The following C1orf87 variants were observed in gnomAD, a reference collection of about 807,000 sequenced individuals.
The protein encoded by C1orf87 is chromosome 1 open reading frame 87.
Under a neutral mutation model 60.5 loss-of-function variants are expected in C1orf87, and 58 were observed. The ratio of observed to expected loss-of-function variants is 0.96; its 90% confidence interval spans 0.78 to 1.19. The LOEUF is 1.19. Among genes scored for constraint, C1orf87 ranks in the 50% most tolerant of loss-of-function variants. C1orf87 has a pLI of 0.00. For missense variants in C1orf87, 673 were observed against 638.6 expected, an observed-to-expected ratio of 1.05 and a Z score of -0.58; for synonymous variants, 236 against 227.4, an observed-to-expected ratio of 1.04 and a Z score of -0.34.
At chr1:60,009,802 C>T (rs746502420) in intron 9 of C1orf87, among the ~76,000 whole-genome samples, 19 of 151,896 alleles carry the variant, frequency 1.3e-4, no homozygotes, top group Non-Finnish European at 2.5e-4. Context: ...AAATATTTTC[C>T]CCAATGCATC....
intron 2 of C1orf87, among the ~76,000 whole-genome samples, chr1:60,056,999 AGT>A (rs1645461908): frequency 6.6e-6 from 1 of 152,204 alleles, no homozygotes; most frequent in Non-Finnish European, 1.5e-5. Flanking sequence ...ATATTTTTAT[AGT>A]CATCCTTTTG....
At position 60,055,398 on chromosome 1, in the gene C1orf87, G is replaced by T. The variant is rs1400082876; in HGVS notation, c.148C>A (p.His50Asn). 6.2e-7 allele frequency: 1 copy of T among 1,614,078 alleles called. No homozygotes were observed. Among genetic ancestry groups the T allele is most frequent in the Admixed American group, 1.7e-5 (1 of 60,016 alleles). The change falls in exon 3 of 12, where the codon CAC (histidine) becomes AAC (asparagine). Residue 50 changes from histidine to asparagine, a missense_variant. By Grantham distance (68) the His-to-Asn change is moderately conservative. Coordinates refer to ENST00000371201, the MANE Select transcript of C1orf87 (RefSeq NM_152377.3). ...DSLKTETQTMHQKPMTDNARQ... is the reference protein window; with the variant it reads ...DSLKTETQTMNQKPMTDNARQ... ...GCATTATCAGTCATTGGTTTCTGGT[G>T]CATTGTTTGGGTTTCTGTTTTCAAG...
At chr1:60,010,251 T>C (rs776933685) in intron 9 of C1orf87, 141 bp downstream of exon 9, 1 of 751,282 alleles carries the variant, frequency 1.3e-6, no homozygotes, top group Non-Finnish European at 2.3e-6. Flanking sequence ...CCCCCATTTT[T>C]CCTTCACTGG....
At chr1:60,022,368 G>C (rs1322230298) in intron 8 of C1orf87, among the ~76,000 whole-genome samples, 1 of 151,954 alleles carries the variant, frequency 6.6e-6, no homozygotes, top group Non-Finnish European at 1.5e-5. Flanking sequence ...CTGGATATGA[G>C]TTGATTTGCT....
At position 60,033,636 on chromosome 1, in the gene C1orf87, G is replaced by A. The variant is rs150611520; in HGVS notation, c.869C>T (p.Pro290Leu). ...TGGCTGTGAGCTGGAGTGCTGAGGT[G>A]GAGTGCTGATTGTAGGGGAAATGGG... ...ESHGTHSQST[P>L]PQHSSSQPEV... The change falls in exon 7 of 12, where the codon CCA becomes CTA. Residue 290 changes from proline (P) to leucine (L), a missense_variant. Physicochemically the swap from Pro to Leu is moderately conservative, Grantham distance 98 (BLOSUM62 -3). Transcript: ENST00000371201. 5.8e-5 allele frequency: 94 copies of A among 1,610,952 alleles called. 1 individual carries two copies. The African/African-American group carries it at 1.2e-3, about 20-fold the overall frequency.
At chr1:60,045,777 T>C (rs972063210) in intron 3 of C1orf87, among the ~76,000 whole-genome samples, 1 of 152,164 alleles carries the variant, frequency 6.6e-6, no homozygotes, top group Non-Finnish European at 1.5e-5. Context: ...AAATAGAAAT[T>C]TGTGGGATGG....
intron 6 of C1orf87, among the ~76,000 whole-genome samples, chr1:60,034,538 A>G (rs775895218): frequency 1.4e-4 from 22 of 152,306 alleles, no homozygotes; most frequent in Non-Finnish European, 2.2e-4. Flanking sequence ...TTTAACAATC[A>G]GCTTTGCAAG....
chr1:59,992,224 CTATT>C (rs71582609), intron 11 of C1orf87, among the ~76,000 whole-genome samples: 19,262 of 143,508 alleles, frequency 0.13, 1,464 homozygotes, highest in Admixed American at 0.19. Flanking sequence ...AAGTAGGGGT[CTATT>C]TATTTATTTA....
chr1:59,990,865 T>C (rs967874140), intron 11 of C1orf87, 32 bp from the exon 12 acceptor site: 3 of 1,606,224 alleles, frequency 1.9e-6, no homozygotes, highest in South Asian at 1.1e-5. Context: ...GGAAGGTTTT[T>C]TAAAGAGGAT....
In C1orf87 at chr1:60,055,077, T is replaced by G. The variant is rs1645442957; in HGVS notation, c.342+127A>C. The G allele has an allele frequency of 6.8e-6, 6 of 885,092 alleles. No individual in the cohort carries two copies. The East Asian group carries it at 1.5e-4, about 22-fold the overall frequency. The allele number at this position is 885,092 out of a possible 1,614,324, so 54.8% of individuals were successfully genotyped here. On this transcript the variant is annotated intron_variant, in intron 3 of 11. Transcript: ENST00000371201. The stretch of plus-strand genomic sequence containing the variant: ...TTTTCAGATTGAAAAAAATTGATTC[T>G]TACTTCTATCTCATGCAAAATATAT...
chr1:60,001,037 G>T, intron 10 of C1orf87, 40 bp downstream of exon 10: 1 of 1,542,256 alleles, frequency 6.5e-7, no homozygotes, highest in South Asian at 1.1e-5. Context: ...AAGTATCCAT[G>T]AAAACCTTCC....
In C1orf87 at chr1:60,020,153, A is replaced by C. The variant is rs956166597; in HGVS notation, c.1127+5248T>G. Among the ~76,000 whole-genome samples, 3 of 147,346 alleles carry C rather than the reference A, an allele frequency of 2.0e-5. 1 individual carries two copies. The South Asian group carries it at 6.3e-4, about 31-fold the overall frequency. The stretch of plus-strand genomic sequence containing the variant: ...TCACAGGCCTGGAAGTCTAGGAGGG[A>C]AAAATAGTTTCGTGGGCTGGGCCCA... On this transcript the variant is annotated intron_variant, in intron 8 of 11. Transcript: ENST00000371201.
intron 11 of C1orf87, among the ~76,000 whole-genome samples, chr1:59,996,406 C>T (rs1644964066): frequency 6.6e-6 from 1 of 152,136 alleles, no homozygotes; most frequent in South Asian, 2.1e-4. Flanking sequence ...TCATTCTGCA[C>T]ATAGTCATCA....
chr1:60,045,998 C>T (rs886523243), intron 3 of C1orf87, among the ~76,000 whole-genome samples: 6 of 152,196 alleles, frequency 3.9e-5, no homozygotes, highest in Non-Finnish European at 8.8e-5. Flanking sequence ...ATCTTATTTT[C>T]ATAGTTTGTA....
chr1:60,041,002 C>A lies in C1orf87; in HGVS notation c.472G>T (p.Asp158Tyr). ...SLEQMVRGSSDQPEDIGQSPS... is the reference protein window; with the variant it reads ...SLEQMVRGSSYQPEDIGQSPS... Reference sequence around the variant, plus strand: ...CTTAGTATACACACCTCAGGTTGGTCAGAGCTGCCTCTCACCATCTGTTCC... The same window carrying A: ...CTTAGTATACACACCTCAGGTTGGTAAGAGCTGCCTCTCACCATCTGTTCC... Residue 158 changes from aspartate (D) to tyrosine (Y), a missense_variant, in exon 4 of 12, where the codon GAC (aspartate) becomes TAC (tyrosine). Coordinates refer to ENST00000371201, the MANE Select transcript of C1orf87 (RefSeq NM_152377.3). 6.2e-7 allele frequency: 1 copy of A among 1,609,952 alleles called. No homozygotes were observed. The highest frequency in any genetic ancestry group is 1.1e-5 in the South Asian group (1 of 90,502).
In C1orf87 at chr1:60,055,432, CT is replaced by C. The variant is rs770277014; in HGVS notation, c.113del (p.Glu38GlyfsTer5). ...QYLVEKPKIK[E>X]NDSLKTETQT... ...GGGTTTCTGTTTTCAAGCTGTCATT[CT>C]CCTTGCTGTGAAGAAAGAATTGTAT... On this transcript the variant is annotated frameshift_variant, in exon 3 of 12. Transcript: ENST00000371201. LOFTEE classifies it high-confidence loss of function. 3 of 1,613,684 alleles carry C rather than the reference CT, an allele frequency of 1.9e-6. No homozygotes were observed. Among genetic ancestry groups the C allele is most frequent in the Non-Finnish European group, 2.5e-6 (3 of 1,179,660 alleles).
chr1:60,071,820 A>G (rs982830106), intron 2 of C1orf87, among the ~76,000 whole-genome samples: 1 of 152,208 alleles, frequency 6.6e-6, no homozygotes, highest in Non-Finnish European at 1.5e-5. Context: ...TTTCTGAAAT[A>G]GAAGATAGAG....
Position 60,064,631 on chromosome 1 carries a change from A to AATAT in C1orf87, c.107+7902_107+7905dup, listed in dbSNP as rs201618962. Among the ~76,000 whole-genome samples the AATAT allele has an allele frequency of 2.3e-4, 24 of 106,528 alleles. No individual in the cohort carries two copies. The South Asian group carries it at 3.2e-3, about 14-fold the overall frequency. The allele number at this position is 106,528 out of a possible 152,430, so 69.9% of individuals were successfully genotyped here. A position where few individuals can be genotyped will look rare whatever the true frequency, so the allele number is the denominator to read the frequency against. On this transcript the variant is annotated intron_variant, in intron 2 of 11. Coordinates refer to ENST00000371201, the MANE Select transcript of C1orf87 (RefSeq NM_152377.3). The stretch of plus-strand genomic sequence containing the variant: ...ATATATAAAATATATCATATATATA[A>AATAT]ATATATATGATATATTTTATATATT...
chr1:59,992,859 G>T (rs1031424736), intron 11 of C1orf87, among the ~76,000 whole-genome samples: 3 of 152,108 alleles, frequency 2.0e-5, no homozygotes, highest in Non-Finnish European at 2.9e-5. Context: ...TTTCTATTCT[G>T]TTCTGGTTTG....
Sources: gnomAD v4.1 joint callset for allele counts (sites outside exome capture counted in the v4.1 genomes callset) on GRCh38, gnomAD v4.1.1 for gene constraint, MANE v1.5 for transcripts, NCBI Gene and HGNC (gene_info 2026-07-23, HGNC 2026-07-21) for gene names.